CADM2: variants seen among roughly 807,000 people sequenced by gnomAD.
CADM2 encodes the protein immunoglobulin superfamily member 4D.
In CADM2, 12 loss-of-function variants were observed where a neutral mutation model predicts 49.8. The observed-to-expected ratio is 0.24, with a 90% CI of 0.15 to 0.39. The LOEUF (loss-of-function observed/expected upper bound fraction) is 0.39. Ranked by LOEUF, CADM2 falls within the 10% of genes least tolerant of loss-of-function variation. The probability of loss-of-function intolerance (pLI) is 1.00; values close to 1 mark genes in which losing one functional copy is unlikely to be tolerated. For missense variants in CADM2, 378 were observed against 492.3 expected (o/e 0.77, Z 2.20); for synonymous variants, 214 against 175.4 (o/e 1.22, Z -1.74).
intron 5 of CADM2, among the ~76,000 whole-genome samples, chr3:85,892,506 T>C (rs1191889238): frequency 6.6e-6 from 1 of 152,070 alleles, no homozygotes; most frequent in Non-Finnish European, 1.5e-5. Flanking sequence ...CCCATGCTGT[T>C]CCCATAATAG....
chr3:85,105,146 G>A (rs2038163079), intron 1 of CADM2, among the ~76,000 whole-genome samples: 1 of 152,094 alleles, frequency 6.6e-6, no homozygotes, highest in African/African-American at 2.4e-5. Flanking sequence ...CCTGTCATCA[G>A]AGGGAACAGG....
chr3:85,609,132 C>A (rs2063611193), intron 1 of CADM2, among the ~76,000 whole-genome samples: 1 of 151,996 alleles, frequency 6.6e-6, no homozygotes, highest in Admixed American at 6.6e-5. Flanking sequence ...CATTTCCTCA[C>A]CTGCTTGTGA....
chr3:85,599,315 A>C (rs2063332362), intron 1 of CADM2, among the ~76,000 whole-genome samples: 2 of 151,962 alleles, frequency 1.3e-5, no homozygotes, highest in African/African-American at 4.8e-5. Context: ...TCTTTTAAGG[A>C]CTGAATTATA....
chr3:85,212,864 T>TCTC (rs1220821527), intron 1 of CADM2, among the ~76,000 whole-genome samples: 6 of 107,256 alleles, frequency 5.6e-5, no homozygotes, highest in South Asian at 2.7e-4. Flanking sequence ...CTTTCTTTCT[T>TCTC]TCTTTCTTTC....
chr3:85,245,772 T>A (rs2042633040), intron 1 of CADM2, among the ~76,000 whole-genome samples: 1 of 152,204 alleles, frequency 6.6e-6, no homozygotes. Context: ...TATATTAACC[T>A]AAGTTACTTC....
intron 1 of CADM2, among the ~76,000 whole-genome samples, chr3:85,394,711 A>T (rs918671642): frequency 1.3e-5 from 2 of 152,108 alleles, no homozygotes; most frequent in Non-Finnish European, 2.9e-5. Flanking sequence ...CATGATTTAG[A>T]TATTTATCAG....
chr3:85,048,023 T>A (rs2035733676), intron 1 of CADM2, among the ~76,000 whole-genome samples: 1 of 152,228 alleles, frequency 6.6e-6, no homozygotes, highest in South Asian at 2.1e-4. Context: ...CATAATATGC[T>A]CAGCACCATG....
chr3:85,098,213 A>C (rs2037875312), intron 1 of CADM2, among the ~76,000 whole-genome samples: 1 of 151,850 alleles, frequency 6.6e-6, no homozygotes, highest in Non-Finnish European at 1.5e-5. Context: ...TACGGACTGA[A>C]TTCCCAGATT....
At chr3:85,650,224 T>G (rs1463461959) in intron 1 of CADM2, among the ~76,000 whole-genome samples, 4 of 152,284 alleles carry the variant, frequency 2.6e-5, no homozygotes, top group Admixed American at 2.6e-4. Context: ...CCTCCTGAAG[T>G]TGAGATATTT....
chr3:85,706,024 C>T (rs1263959181), intron 1 of CADM2, among the ~76,000 whole-genome samples: 2 of 152,132 alleles, frequency 1.3e-5, no homozygotes, highest in African/African-American at 4.8e-5. Flanking sequence ...TTTCTCAAAA[C>T]TATATTCGTA....
intron 8 of CADM2, among the ~76,000 whole-genome samples, chr3:85,998,682 A>C (rs73134162): frequency 0.01 from 1,595 of 152,242 alleles, 20 homozygotes; most frequent in Middle Eastern, 0.068. Flanking sequence ...AACAATTTAA[A>C]TGAAATGATA....
At chr3:85,521,920 T>C (rs947432542) in intron 1 of CADM2, among the ~76,000 whole-genome samples, 4 of 152,086 alleles carry the variant, frequency 2.6e-5, no homozygotes, top group African/African-American at 7.2e-5. Flanking sequence ...GCCCTCTCCC[T>C]CAGAAATGAG....
At chr3:85,115,470 T>C (rs1277680594) in intron 1 of CADM2, among the ~76,000 whole-genome samples, 1 of 152,220 alleles carries the variant, frequency 6.6e-6, no homozygotes, top group Non-Finnish European at 1.5e-5. Context: ...CTTCTCACTA[T>C]CTGTCCTCTG....
At chr3:85,186,201 T>C (rs2041059249) in intron 1 of CADM2, among the ~76,000 whole-genome samples, 1 of 152,312 alleles carries the variant, frequency 6.6e-6, no homozygotes, top group South Asian at 2.1e-4. Flanking sequence ...TATTTTCTTT[T>C]CTTGCCTTTC....
intron 1 of CADM2, among the ~76,000 whole-genome samples, chr3:85,209,913 CAAAT>C (rs2041738456): frequency 6.6e-6 from 1 of 152,102 alleles, no homozygotes; most frequent in African/African-American, 2.4e-5. Flanking sequence ...AGAGAGAAGA[CAAAT>C]GAACATGAAA....
chr3:85,188,208 C>T (rs374340477), intron 1 of CADM2, among the ~76,000 whole-genome samples: 1 of 152,026 alleles, frequency 6.6e-6, no homozygotes, highest in Non-Finnish European at 1.5e-5. Flanking sequence ...TTCAGCATAA[C>T]TTTTATATGC....
At chr3:85,031,583 C>A (rs1254117185) in intron 1 of CADM2, among the ~76,000 whole-genome samples, 2 of 152,136 alleles carry the variant, frequency 1.3e-5, no homozygotes, top group African/African-American at 2.4e-5. Flanking sequence ...GGCGCGATCT[C>A]GGCTCACTGC....
In CADM2 at chr3:85,734,585, A is replaced by C. The variant is rs1402493460; in HGVS notation, c.88+8037A>C. Among the ~76,000 whole-genome samples the C allele has an allele frequency of 2.0e-5, 3 of 149,150 alleles. No homozygotes were observed. In the East Asian group the frequency reaches 5.8e-4, roughly 29 times the overall value. ...TATATATAATTTGACACATATACAC[A>C]TACACATATATATACATACATATAT... On this transcript the variant is annotated intron_variant, in intron 2 of 9. Coordinates refer to ENST00000383699, the MANE Select transcript of CADM2 (RefSeq NM_001167675.2).
At chr3:85,739,899 A>C (rs192407275) in intron 2 of CADM2, among the ~76,000 whole-genome samples, 1 of 152,294 alleles carries the variant, frequency 6.6e-6, no homozygotes. Flanking sequence ...GTGTGCATTC[A>C]AAACAATTAC....
Sources: allele counts gnomAD v4.1 joint callset (sites outside exome capture counted in the v4.1 genomes callset), GRCh38; gene constraint gnomAD v4.1.1; transcripts MANE v1.5; gene names NCBI Gene and HGNC (gene_info 2026-07-23, HGNC 2026-07-21).